Variants in PRKG2 observed in about 807,000 individuals in gnomAD.
PRKG2 encodes cGMP-dependent protein kinase 2.
Under a neutral mutation model 97.2 loss-of-function variants are expected in PRKG2, and 33 were observed. The observed-to-expected ratio is 0.34, with a 90% CI of 0.26 to 0.45. The LOEUF is 0.45. Among genes scored for constraint, PRKG2 ranks in the 20% least tolerant of loss-of-function variants. The pLI, the probability that PRKG2 is intolerant of heterozygous loss-of-function variation, is 1.00. For synonymous variants in PRKG2, 330 were observed against 321.8 expected, an observed-to-expected ratio of 1.03 and a Z score of -0.27; for missense variants, 638 against 900.0, an observed-to-expected ratio of 0.71 and a Z score of 3.73.
chr4:81,157,529 G>A (rs1437810892), intron 6 of PRKG2, among the ~76,000 whole-genome samples: 1 of 152,148 alleles, frequency 6.6e-6, no homozygotes, highest in East Asian at 1.9e-4. Flanking sequence ...CATTCCTTCT[G>A]AAACTATTCC....
At chr4:81,130,953 T>G (rs959208391) in intron 14 of PRKG2, among the ~76,000 whole-genome samples, 3 of 152,178 alleles carry the variant, frequency 2.0e-5, no homozygotes, top group African/African-American at 7.2e-5. Context: ...GCTAGACCAC[T>G]TGGCTCCCTG....
At chr4:81,152,692 A>C (rs746091013) in intron 7 of PRKG2, among the ~76,000 whole-genome samples, 3 of 152,210 alleles carry the variant, frequency 2.0e-5, no homozygotes, top group African/African-American at 4.8e-5. Flanking sequence ...CTGAATAGAA[A>C]TTCTGTTTGG....
intron 2 of PRKG2, among the ~76,000 whole-genome samples, chr4:81,192,604 G>C (rs1045315668): frequency 6.6e-6 from 1 of 152,072 alleles, no homozygotes; most frequent in African/African-American, 2.4e-5. Context: ...CTATGAATAG[G>C]CATAGTAATT....
intron 14 of PRKG2, among the ~76,000 whole-genome samples, chr4:81,118,939 T>TA (rs1744813747): frequency 6.6e-6 from 1 of 152,098 alleles, no homozygotes; most frequent in Non-Finnish European, 1.5e-5. Context: ...GGACTGCAGG[T>TA]GTGAGCCACC....
At chr4:81,110,420 T>C in intron 15 of PRKG2, 28 bp downstream of exon 15, 1 of 1,593,270 alleles carries the variant, frequency 6.3e-7, no homozygotes, top group South Asian at 1.1e-5. Flanking sequence ...TCTGAAGAGG[T>C]GGCTGCATAA....
chr4:81,185,155 C>A (rs1011688113), intron 2 of PRKG2, among the ~76,000 whole-genome samples: 1 of 152,072 alleles, frequency 6.6e-6, no homozygotes, highest in Non-Finnish European at 1.5e-5. Context: ...TCAAGAAGAG[C>A]AACCCCAAGA....
At chr4:81,162,715 G>T (rs183414863) in intron 6 of PRKG2, among the ~76,000 whole-genome samples, 90 of 152,206 alleles carry the variant, frequency 5.9e-4, no homozygotes, top group African/African-American at 2.0e-3. Context: ...TTTTGCAGTG[G>T]AGATGACTAT....
intron 1 of PRKG2, 24 bp from the exon 2 acceptor site, chr4:81,205,084 G>A (rs1397252421): frequency 6.8e-7 from 1 of 1,464,832 alleles, no homozygotes; most frequent in Admixed American, 2.2e-5. Context: ...GAATTGGGAA[G>A]TATCAAGTGG....
intron 2 of PRKG2, among the ~76,000 whole-genome samples, chr4:81,186,023 G>A (rs1170873403): frequency 6.6e-6 from 1 of 152,014 alleles, no homozygotes; most frequent in African/African-American, 2.4e-5. Flanking sequence ...CAATAGTAGC[G>A]GGAGACTTCA....
intron 2 of PRKG2, among the ~76,000 whole-genome samples, chr4:81,193,665 C>A (rs1475101576): frequency 6.6e-6 from 1 of 152,048 alleles, no homozygotes; most frequent in Non-Finnish European, 1.5e-5. Context: ...CATGGTGCAA[C>A]CCCATCTCTA....
At chr4:81,177,304 TA>T (rs1411626502) in intron 2 of PRKG2, among the ~76,000 whole-genome samples, 2 of 152,234 alleles carry the variant, frequency 1.3e-5, no homozygotes, top group African/African-American at 4.8e-5. Flanking sequence ...TCCAAACTTT[TA>T]TAACTTGGTG....
intron 9 of PRKG2, among the ~76,000 whole-genome samples, chr4:81,147,705 G>C (rs7682873): frequency 0.045 from 6,889 of 152,192 alleles, 537 homozygotes; most frequent in African/African-American, 0.16. Context: ...AACACAGGGA[G>C]CACTGCTGGG....
chr4:81,177,270 C>A (rs980836121), intron 2 of PRKG2, among the ~76,000 whole-genome samples: 1 of 152,176 alleles, frequency 6.6e-6, no homozygotes, highest in Non-Finnish European at 1.5e-5. Context: ...ATTAATTAAA[C>A]ATGACCCATG....
At chr4:81,144,160 C>T (rs1747568003) in intron 10 of PRKG2, 72 bp downstream of exon 10, 1 of 1,387,178 alleles carries the variant, frequency 7.2e-7, no homozygotes, top group Non-Finnish European at 1.0e-6. Context: ...GCAAGTCACA[C>T]CCTCTGTCCC....
At chr4:81,145,840 T>TA (rs1560577211) in intron 9 of PRKG2, among the ~76,000 whole-genome samples, 1 of 152,210 alleles carries the variant, frequency 6.6e-6, no homozygotes, top group Non-Finnish European at 1.5e-5. Context: ...AGAGTGAGTT[T>TA]ACCTCAAAAT....
intron 2 of PRKG2, among the ~76,000 whole-genome samples, chr4:81,184,539 C>G (rs1018504806): frequency 5.9e-5 from 9 of 152,110 alleles, no homozygotes; most frequent in African/African-American, 2.2e-4. Flanking sequence ...TGAGGAAAAA[C>G]CAGTACAAAA....
chr4:81,118,584 T>C (rs1744778179), intron 14 of PRKG2, among the ~76,000 whole-genome samples: 1 of 152,260 alleles, frequency 6.6e-6, no homozygotes, highest in African/African-American at 2.4e-5. Context: ...ATTTGAGATC[T>C]GTATATCTTC....
chr4:81,202,850 T>A (rs776546230), intron 2 of PRKG2, among the ~76,000 whole-genome samples: 19 of 152,062 alleles, frequency 1.2e-4, no homozygotes, highest in Non-Finnish European at 2.2e-4. Flanking sequence ...AAGATGAGCA[T>A]AAGTCTTTGA....
intron 1 of PRKG2, among the ~76,000 whole-genome samples, chr4:81,212,153 G>T (rs1459431308): frequency 6.6e-6 from 1 of 152,094 alleles, no homozygotes; most frequent in Non-Finnish European, 1.5e-5. Flanking sequence ...GCTCAGTTTG[G>T]AATCTACTGC....
Sources: allele counts gnomAD v4.1 joint callset (sites outside exome capture counted in the v4.1 genomes callset), GRCh38; gene constraint gnomAD v4.1.1; transcripts MANE v1.5; gene names NCBI Gene and HGNC (gene_info 2026-07-23, HGNC 2026-07-21).